FCHO2: variants seen among roughly 807,000 people sequenced by gnomAD.
FCHO2 encodes F-BAR domain only protein 2.
Under a neutral mutation model 114.1 loss-of-function variants are expected in FCHO2, and 43 were observed. That is an observed-to-expected ratio of 0.38 (90% CI 0.30 to 0.49). The LOEUF (loss-of-function observed/expected upper bound fraction) is 0.49, where lower values mean the gene tolerates loss of function less well. Among genes scored for constraint, FCHO2 ranks in the 20% least tolerant of loss-of-function variants. FCHO2 has a pLI of 0.97. For synonymous variants in FCHO2, 293 were observed against 315.2 expected, an observed-to-expected ratio of 0.93 and a Z score of 0.75; for missense variants, 807 against 950.4, an observed-to-expected ratio of 0.85 and a Z score of 1.98.
rs1189949628 is a variant in FCHO2 at position 72,990,767 on chromosome 5, C to T, written c.398C>T (p.Thr133Ile). 3 of 1,556,490 alleles carry T rather than the reference C, an allele frequency of 1.9e-6. No homozygotes were observed. Among genetic ancestry groups the T allele is most frequent in the South Asian group, 2.4e-5 (2 of 84,262 alleles). Residue 133 changes from threonine (T) to isoleucine (I), a missense_variant, in exon 5 of 26, where the codon ACT (threonine) becomes ATT (isoleucine). Physicochemically the swap from Thr to Ile is moderately conservative, Grantham distance 89 (BLOSUM62 -1). Coordinates refer to ENST00000430046, the MANE Select transcript of FCHO2 (RefSeq NM_138782.3). ...GCTGTCCAAACCATTCAGAGCATAA[C>T]TCAGGCCCTCCAGAAATCCAAGGAA... is the stretch of plus-strand genomic sequence containing the variant. Reference protein sequence around the residue: ...LEAVQTIQSITQALQKSKENY... With the variant: ...LEAVQTIQSIIQALQKSKENY...
At chr5:72,999,414 G>A (rs1174079049) in intron 5 of FCHO2, among the ~76,000 whole-genome samples, 1 of 113,696 alleles carries the variant, frequency 8.8e-6, no homozygotes, top group African/African-American at 3.5e-5. Context: ...ATGGAGTCTC[G>A]CTCTGTTACC....
At chr5:72,975,602 T>C (rs1213343879) in intron 2 of FCHO2, among the ~76,000 whole-genome samples, 3 of 152,162 alleles carry the variant, frequency 2.0e-5, no homozygotes, top group African/African-American at 7.2e-5. Context: ...TGTCCTAAGT[T>C]CAAGCAATTC....
intron 5 of FCHO2, among the ~76,000 whole-genome samples, chr5:73,004,636 T>TAA (rs57858308): frequency 3.3e-5 from 5 of 151,458 alleles, no homozygotes; most frequent in African/African-American, 7.3e-5. Context: ...CAGCTTTTTT[T>TAA]AAAAAAAAGG....
chr5:73,023,337 A>G (rs1034675225), intron 8 of FCHO2, among the ~76,000 whole-genome samples: 1 of 152,226 alleles, frequency 6.6e-6, no homozygotes, highest in Non-Finnish European at 1.5e-5. Context: ...ATAAAACTAG[A>G]AGATAAAAGT....
At chr5:73,082,903 C>G (rs1016252690) in intron 24 of FCHO2, 78 bp downstream of exon 24, 1 of 1,257,920 alleles carries the variant, frequency 7.9e-7, no homozygotes, top group African/African-American at 1.6e-5. Flanking sequence ...AAAACAGAGT[C>G]TAGCTTTGTT....
intron 11 of FCHO2, among the ~76,000 whole-genome samples, chr5:73,048,723 A>AAT (rs1444315239): frequency 6.6e-6 from 1 of 152,088 alleles, no homozygotes; most frequent in East Asian, 1.9e-4. Context: ...TAAAAGAGTG[A>AAT]ATATATATGT....
At chr5:72,969,622 G>A (rs1490133792) in intron 2 of FCHO2, among the ~76,000 whole-genome samples, 1 of 152,150 alleles carries the variant, frequency 6.6e-6, no homozygotes, top group Non-Finnish European at 1.5e-5. Flanking sequence ...AACCATCAGG[G>A]CAGATATTAT....
intron 2 of FCHO2, among the ~76,000 whole-genome samples, chr5:72,988,977 G>A (rs969727833): frequency 5.3e-5 from 8 of 152,214 alleles, no homozygotes; most frequent in African/African-American, 1.9e-4. Flanking sequence ...GGGAGGCCTA[G>A]GTGGGAGGAT....
intron 1 of FCHO2, 128 bp downstream of exon 1, chr5:72,956,257 C>G (rs1406396708): frequency 1.5e-6 from 2 of 1,297,926 alleles, no homozygotes; most frequent in African/African-American, 3.1e-5. Flanking sequence ...CTGCCGCGTC[C>G]CGCCTGGGTG....
chr5:72,997,706 AC>A, intron 5 of FCHO2: 1 of 1,525,282 alleles, frequency 6.6e-7, no homozygotes, highest in Non-Finnish European at 8.9e-7. Context: ...CCCTTGGGAT[AC>A]CGTTTGATGC....
Position 73,078,230 on chromosome 5 carries a change from A to G in FCHO2, c.1898A>G (p.Gln633Arg). 1 of 1,587,972 alleles carries G rather than the reference A, an allele frequency of 6.3e-7. No homozygotes were observed. Among genetic ancestry groups the G allele is most frequent in the Non-Finnish European group, 8.6e-7 (1 of 1,166,700 alleles). ...ACAAAAGATTTTTGGATGAACATGC[A>G]AGCTGTTACAGTCTACCTCAAGAAG... ...SNTKDFWMNM[Q>R]AVTVYLKKLS... The change falls in exon 22 of 26, where the codon CAA becomes CGA. Residue 633 changes from glutamine to arginine, a missense_variant. Gln to Arg is a conservative substitution (Grantham distance 43, BLOSUM62 1). Coordinates refer to ENST00000430046, the MANE Select transcript of FCHO2 (RefSeq NM_138782.3).
At chr5:73,006,277 A>G (rs546914895) in intron 5 of FCHO2, among the ~76,000 whole-genome samples, 168 bp from the exon 6 acceptor site, 1 of 152,318 alleles carries the variant, frequency 6.6e-6, no homozygotes, top group African/African-American at 2.4e-5. Context: ...GACTGTAACA[A>G]CAACAATAAA....
intron 4 of FCHO2, 45 bp downstream of exon 4, chr5:72,990,664 A>T: frequency 6.5e-7 from 1 of 1,531,890 alleles, no homozygotes; most frequent in Non-Finnish European, 8.7e-7. Context: ...TCAGATATTG[A>T]ATACTTTATA....
chr5:72,963,170 T>C (rs944966235), intron 1 of FCHO2, among the ~76,000 whole-genome samples: 4 of 152,316 alleles, frequency 2.6e-5, no homozygotes, highest in Middle Eastern at 3.4e-3. Context: ...ATGGAAGATA[T>C]ATCAAGCACG....
chr5:73,010,369 G>T (rs551229908), intron 6 of FCHO2, among the ~76,000 whole-genome samples: 2 of 152,238 alleles, frequency 1.3e-5, no homozygotes, highest in Admixed American at 6.5e-5. Context: ...AGAATATGGA[G>T]ATTTTGTTTA....
intron 2 of FCHO2, among the ~76,000 whole-genome samples, chr5:72,979,581 C>G (rs866498328): frequency 6.7e-6 from 1 of 150,308 alleles, no homozygotes; most frequent in Admixed American, 6.6e-5. Flanking sequence ...TTAGTAGAGA[C>G]GGGGTTTCAC....
Position 73,018,299 on chromosome 5 carries a change from C to A in FCHO2, c.796+991C>A, listed in dbSNP as rs146119915. Among the ~76,000 whole-genome samples, 11 of 152,186 alleles carry A rather than the reference C, an allele frequency of 7.2e-5. No homozygotes were observed. The East Asian group carries it at 2.1e-3, about 29-fold the overall frequency. ...TTCTTTTCATGTTTTCTCTAGCTGC[C>A]TAATTAATTTGCAGATTTCATACTG... On this transcript the variant is annotated intron_variant, in intron 8 of 25. Coordinates refer to ENST00000430046, the MANE Select transcript of FCHO2 (RefSeq NM_138782.3).
At chr5:73,056,375 T>A (rs1325533371) in intron 16 of FCHO2, among the ~76,000 whole-genome samples, 1 of 152,218 alleles carries the variant, frequency 6.6e-6, no homozygotes, top group Non-Finnish European at 1.5e-5. Context: ...TGTAAGGACA[T>A]GTATTCGTCA....
Position 73,009,030 on chromosome 5 carries a change from G to A in FCHO2, c.600+2481G>A, listed in dbSNP as rs191182711. On this transcript the variant is annotated intron_variant, in intron 6 of 25. Coordinates refer to ENST00000430046, the MANE Select transcript of FCHO2 (RefSeq NM_138782.3). ...AGAGTGTGGGGAAGAAAGGGCCTCA[G>A]GGCCAAGCTCTGAGAGACTCATTAT... 2.0e-5 allele frequency among the ~76,000 whole-genome samples: 3 copies of A among 152,310 alleles called. No individual in the cohort carries two copies. The East Asian group carries it at 5.8e-4, about 29-fold the overall frequency.
Sources: allele counts gnomAD v4.1 joint callset (sites outside exome capture counted in the v4.1 genomes callset), GRCh38; gene constraint gnomAD v4.1.1; transcripts MANE v1.5; gene names NCBI Gene and HGNC (gene_info 2026-07-23, HGNC 2026-07-21).